Variants in ZWILCH observed in about 807,000 individuals in gnomAD.
ZWILCH encodes the protein zwilch kinetochore protein, also known as protein zwilch homolog.
ZWILCH carries 74 observed loss-of-function variants against 79.9 expected under a neutral mutation model. The observed-to-expected ratio is 0.93, with a 90% CI of 0.77 to 1.12. The LOEUF (loss-of-function observed/expected upper bound fraction) is 1.12, where lower values mean the gene tolerates loss of function less well. Ranked by LOEUF, ZWILCH falls within the 50% of genes most tolerant of loss-of-function variation. ZWILCH has a pLI of 0.00. For synonymous variants in ZWILCH, 241 were observed against 228.2 expected (o/e 1.06, Z -0.51); for missense variants, 694 against 687.5 (o/e 1.01, Z -0.11).
At chr15:66,536,354 G>A (rs1371737563) in intron 15 of ZWILCH, among the ~76,000 whole-genome samples, 1 of 152,108 alleles carries the variant, frequency 6.6e-6, no homozygotes, top group East Asian at 1.9e-4. Context: ...TCATGTATTC[G>A]TAAATACTAG....
chr15:66,539,185 A>T (rs1449065077), intron 16 of ZWILCH, among the ~76,000 whole-genome samples: 1 of 151,566 alleles, frequency 6.6e-6, no homozygotes, highest in Non-Finnish European at 1.5e-5. Flanking sequence ...CTCATCCCTC[A>T]CTCCTTTAAA....
intron 17 of ZWILCH, among the ~76,000 whole-genome samples, chr15:66,545,416 CAAGATGA>C (rs1895338035): frequency 6.6e-6 from 1 of 152,106 alleles, no homozygotes; most frequent in South Asian, 2.1e-4. Context: ...GAAATTCATA[CAAGATGA>C]AACATCTTTT....
rs1455511677 is a variant in ZWILCH, at chr15:66,509,840, T to C, written c.105+948T>C. 1.6e-3 allele frequency among the ~76,000 whole-genome samples: 122 copies of C among 75,662 alleles called. 1 individual carries two copies. The highest frequency in any genetic ancestry group is 5.9e-3 in the African/African-American group (120 of 20,230). 49.6% of individuals were successfully genotyped at this position (75,662 alleles called of 152,430 possible). A position where few individuals can be genotyped will look rare whatever the true frequency, so the allele number is the denominator to read the frequency against. On this transcript the variant is annotated intron_variant, in intron 2 of 18. Coordinates refer to ENST00000307897, the MANE Select transcript of ZWILCH (RefSeq NM_017975.5). ...GTGGCTACATATATATATATATATA[T>C]ATATATATATATATATATATATATA... is the stretch of plus-strand genomic sequence containing the variant.
intron 16 of ZWILCH, among the ~76,000 whole-genome samples, chr15:66,538,988 C>T (rs1482641634): frequency 6.6e-6 from 1 of 152,192 alleles, no homozygotes; most frequent in Non-Finnish European, 1.5e-5. Flanking sequence ...CTCTGAGCTT[C>T]AGACCCATCT....
chr15:66,538,099 C>G (rs1895069800), intron 16 of ZWILCH, among the ~76,000 whole-genome samples: 1 of 152,124 alleles, frequency 6.6e-6, no homozygotes, highest in Non-Finnish European at 1.5e-5. Flanking sequence ...GATTGTTCAT[C>G]CACATGGACA....
At chr15:66,524,116 C>G (rs973675603) in intron 8 of ZWILCH, among the ~76,000 whole-genome samples, 2 of 151,880 alleles carry the variant, frequency 1.3e-5, no homozygotes, top group African/African-American at 4.8e-5. Flanking sequence ...CATTTACATG[C>G]AAGTTTTTGT....
rs536047404 is a variant in ZWILCH, at chr15:66,539,401, C to CAA, written c.1575-676_1575-675dup. Among the ~76,000 whole-genome samples the CAA allele has an allele frequency of 4.4e-3, 256 of 57,930 alleles. 8 individuals are homozygous for CAA. The Middle Eastern group carries it at 0.045, about 10-fold the overall frequency. 38.0% of individuals were successfully genotyped at this position (57,930 alleles called of 152,430 possible). ...CCTGGGTGACAGAGCAAGACCCTGT[C>CAA]AAAAAAAAAAAAAAAAAAAAAAGAT... On this transcript the variant is annotated intron_variant, in intron 16 of 18. Coordinates refer to ENST00000307897, the MANE Select transcript of ZWILCH (RefSeq NM_017975.5).
In ZWILCH at chr15:66,527,985, T is replaced by A. The variant is rs1489501663; in HGVS notation, c.969+73T>A. 9.3e-6 allele frequency: 12 copies of A among 1,292,270 alleles called. No individual in the cohort carries two copies. In the East Asian group the frequency reaches 2.9e-4, roughly 31 times the overall value. 80.1% of individuals were successfully genotyped at this position (1,292,270 alleles called of 1,614,324 possible). On this transcript the variant is annotated intron_variant, in intron 10 of 18. Coordinates refer to ENST00000307897, the MANE Select transcript of ZWILCH (RefSeq NM_017975.5). The stretch of plus-strand genomic sequence containing the variant: ...AATTCGGTTATGCTGACATCTTTCA[T>A]GTTGTACCATCGCAAATGGATTTGG...
At chr15:66,544,215 C>G (rs1895282434) in intron 17 of ZWILCH, among the ~76,000 whole-genome samples, 1 of 151,540 alleles carries the variant, frequency 6.6e-6, no homozygotes, top group Non-Finnish European at 1.5e-5. Flanking sequence ...CGATATCACG[C>G]CATTGCACTC....
intron 10 of ZWILCH, 40 bp from the exon 11 acceptor site, chr15:66,528,812 A>G (rs1894763493): frequency 6.4e-7 from 1 of 1,570,574 alleles, no homozygotes. Flanking sequence ...TTCACTTAAA[A>G]AAAAAACTGA....
intron 4 of ZWILCH, 57 bp downstream of exon 4, chr15:66,515,701 C>G: frequency 3.2e-6 from 4 of 1,238,534 alleles, no homozygotes. Context: ...TTGAAACATT[C>G]TTATAAACGT....
intron 9 of ZWILCH, among the ~76,000 whole-genome samples, 183 bp downstream of exon 9, chr15:66,527,566 A>G (rs1894715217): frequency 6.6e-6 from 1 of 152,184 alleles, no homozygotes; most frequent in Non-Finnish European, 1.5e-5. Flanking sequence ...CTAAGAATTA[A>G]TAAGATTTAA....
chr15:66,535,730 C>T, intron 14 of ZWILCH, among the ~76,000 whole-genome samples: 1 of 149,098 alleles, frequency 6.7e-6, no homozygotes. Flanking sequence ...GACTCAAACA[C>T]TGTTGTATGG....
chr15:66,543,381 T>C (rs535016495), intron 17 of ZWILCH, among the ~76,000 whole-genome samples: 8 of 151,914 alleles, frequency 5.3e-5, no homozygotes, highest in South Asian at 2.1e-4. Flanking sequence ...ACTTTAGCCA[T>C]GAGATGTGGA....
In ZWILCH at chr15:66,536,043, A is replaced by G. The variant is rs1895006305; in HGVS notation, c.1452A>G (p.Gln484=). The part of the protein sequence containing the change: ...LVSCMPFIKS[Q]HELLFSLTQI... ...GTTGCATGCCTTTCATTAAATCTCAACATGAACTCCTCTTTTCTTTAACAC... is the reference window on the plus strand; with the variant it reads ...GTTGCATGCCTTTCATTAAATCTCAGCATGAACTCCTCTTTTCTTTAACAC... The change falls in exon 15 of 19, where the codon CAA becomes CAG. Residue 484 remains glutamine (Q), a synonymous_variant. Transcript: ENST00000307897. 4 of 1,609,412 alleles carry G rather than the reference A, an allele frequency of 2.5e-6. No homozygotes were observed. The highest frequency in any genetic ancestry group is 2.5e-6 in the Non-Finnish European group (3 of 1,178,558).
At chr15:66,509,232 G>A (rs1471256135) in intron 2 of ZWILCH, among the ~76,000 whole-genome samples, 4 of 152,110 alleles carry the variant, frequency 2.6e-5, no homozygotes, top group African/African-American at 4.8e-5. Flanking sequence ...GAACCACCGC[G>A]CCCGGCCGAA....
At chr15:66,535,752 A>G (rs1159217899) in intron 14 of ZWILCH, among the ~76,000 whole-genome samples, 181 bp from the exon 15 acceptor site, 2 of 151,082 alleles carry the variant, frequency 1.3e-5, no homozygotes, top group Non-Finnish European at 2.9e-5. Flanking sequence ...GCATGACTAT[A>G]ATTTAGTTTG....
chr15:66,538,494 T>G (rs909667011), intron 16 of ZWILCH, among the ~76,000 whole-genome samples: 1 of 152,088 alleles, frequency 6.6e-6, no homozygotes, highest in African/African-American at 2.4e-5. Context: ...GCAATTCTCC[T>G]GCCTCAGCCT....
chr15:66,541,981 T>C (rs1245857641), intron 17 of ZWILCH, among the ~76,000 whole-genome samples: 1 of 152,218 alleles, frequency 6.6e-6, no homozygotes, highest in East Asian at 1.9e-4. Context: ...GTTCATATAG[T>C]TGAACTATAA....
Sources: allele counts gnomAD v4.1 joint callset (sites outside exome capture counted in the v4.1 genomes callset), GRCh38; gene constraint gnomAD v4.1.1; transcripts MANE v1.5; gene names NCBI Gene and HGNC (gene_info 2026-07-23, HGNC 2026-07-21).